The following TMOD2 variants were observed in gnomAD, a reference collection of about 807,000 sequenced individuals.
TMOD2 encodes tropomodulin-2.
A neutral mutation model predicts 39.9 loss-of-function variants in TMOD2; 22 were observed. The observed-to-expected ratio is 0.55, with a 90% CI of 0.39 to 0.79. The LOEUF (loss-of-function observed/expected upper bound fraction) is 0.79, where lower values mean the gene tolerates loss of function less well. TMOD2 is among the 30% of genes least tolerant of loss of function. TMOD2 has a pLI of 0.00. For synonymous variants in TMOD2, 123 were observed against 146.1 expected (o/e 0.84, Z 1.14); for missense variants, 386 against 413.3 (o/e 0.93, Z 0.57).
chr15:51,794,819 TTCC>T (rs1467273318), intron 7 of TMOD2, among the ~76,000 whole-genome samples: 1 of 152,222 alleles, frequency 6.6e-6, no homozygotes, highest in African/African-American at 2.4e-5. Flanking sequence ...TAATTTTCCA[TTCC>T]TCCTTTCTCT....
chr15:51,807,422 T>C (rs2056128154), intron 9 of TMOD2, among the ~76,000 whole-genome samples: 1 of 152,076 alleles, frequency 6.6e-6, no homozygotes, highest in African/African-American at 2.4e-5. Flanking sequence ...CCCTGAGGCG[T>C]AGGAAAGGTG....
At chr15:51,792,243 C>A (rs2056017591) in intron 7 of TMOD2, among the ~76,000 whole-genome samples, 1 of 152,120 alleles carries the variant, frequency 6.6e-6, no homozygotes, top group Admixed American at 6.5e-5. Flanking sequence ...ATTTATGCAG[C>A]CAACAGACAT....
chr15:51,801,288 GTC>G (rs72529496), intron 8 of TMOD2, among the ~76,000 whole-genome samples: 44,338 of 111,454 alleles, frequency 0.4, 6,637 homozygotes, highest in Middle Eastern at 0.48. Flanking sequence ...CACACACCCT[GTC>G]TCTCTCTCTC....
chr15:51,808,950 T>C lies in TMOD2; in HGVS notation c.*496T>C, dbSNP rs2056138552. On this transcript the variant is annotated 3_prime_UTR_variant, in exon 10 of 10. Coordinates refer to ENST00000249700, the MANE Select transcript of TMOD2 (RefSeq NM_014548.4). ...TCACTGCATGTGAAAATGTGACCAA[T>C]TTAGCACAAATTCTCTCTTAGTTCC... is the stretch of plus-strand genomic sequence containing the variant. 1 of 152,856 alleles carries C rather than the reference T, an allele frequency of 6.5e-6. No homozygotes were observed. Among genetic ancestry groups the C allele is most frequent in the Non-Finnish European group, 1.5e-5 (1 of 68,208 alleles). The allele number at this position is 152,856 out of a possible 1,614,324, so 9.5% of individuals were successfully genotyped here. A position where few individuals can be genotyped will look rare whatever the true frequency, so the allele number is the denominator to read the frequency against.
At position 51,815,086 on chromosome 15, in the gene TMOD2, A is replaced by G. The variant is rs2141652177; in HGVS notation, c.*6632A>G. 6.6e-6 allele frequency: 1 copy of G among 152,322 alleles called. No homozygotes were observed. Among genetic ancestry groups the G allele is most frequent in the South Asian group, 2.1e-4 (1 of 4,822 alleles). The allele number at this position is 152,322 out of a possible 1,614,324, so 9.4% of individuals were successfully genotyped here. ...AGACCAGCCTGGCCAACATGGTGAA[A>G]CCCCGTCTCTACTAAAAATACAGAA... On this transcript the variant is annotated 3_prime_UTR_variant, in exon 10 of 10. Coordinates refer to ENST00000249700, the MANE Select transcript of TMOD2 (RefSeq NM_014548.4).
At chr15:51,797,569 A>T (rs756626514) in intron 7 of TMOD2, among the ~76,000 whole-genome samples, 2 of 152,188 alleles carry the variant, frequency 1.3e-5, no homozygotes, top group African/African-American at 2.4e-5. Flanking sequence ...TCTCTTAAAA[A>T]TTATATTATT....
In TMOD2 at chr15:51,808,552, C is replaced by A; in HGVS notation, c.*98C>A. The A allele has an allele frequency of 1.1e-6, 1 of 924,940 alleles. No individual in the cohort carries two copies. Among genetic ancestry groups the A allele is most frequent in the Non-Finnish European group, 1.7e-6 (1 of 598,882 alleles). The allele number at this position is 924,940 out of a possible 1,614,324, so 57.3% of individuals were successfully genotyped here. On this transcript the variant is annotated 3_prime_UTR_variant, in exon 10 of 10. Transcript: ENST00000249700. ...CAGGACCATTTTATCAAAGTTCGTT[C>A]ATTTCCGTTAACCACATAACTAATA...
chr15:51,784,054 A>G (rs1766857553), intron 7 of TMOD2: 1 of 152,214 alleles, frequency 6.6e-6, no homozygotes, highest in Non-Finnish European at 1.5e-5. Context: ...ATATACTATT[A>G]TTAGTTCCAA....
At chr15:51,807,328 G>T (rs1200856874) in intron 9 of TMOD2, among the ~76,000 whole-genome samples, 1 of 152,190 alleles carries the variant, frequency 6.6e-6, no homozygotes, top group Non-Finnish European at 1.5e-5. Flanking sequence ...CAGATAGTGG[G>T]CAAGATAGAA....
At chr15:51,798,129 G>T in intron 7 of TMOD2, 68 bp from the exon 8 acceptor site, 1 of 1,386,058 alleles carries the variant, frequency 7.2e-7, no homozygotes, top group Non-Finnish European at 9.8e-7. Flanking sequence ...TGGGAGTGAG[G>T]GGTTTAGTAA....
intron 7 of TMOD2, 57 bp downstream of exon 7, chr15:51,782,885 T>C (rs2055941073): frequency 6.6e-7 from 1 of 1,510,874 alleles, no homozygotes; most frequent in Non-Finnish European, 9.1e-7. Context: ...GGAAACTCTA[T>C]TTACTTTGTT....
intron 8 of TMOD2, 54 bp downstream of exon 8, chr15:51,798,394 G>A: frequency 1.3e-6 from 2 of 1,582,608 alleles, no homozygotes; most frequent in Non-Finnish European, 1.7e-6. Flanking sequence ...GCAGTGAGCG[G>A]GGGAAATGCC....
At chr15:51,757,322 A>G (rs1412072308) in intron 1 of TMOD2, among the ~76,000 whole-genome samples, 2 of 149,216 alleles carry the variant, frequency 1.3e-5, no homozygotes, top group Non-Finnish European at 3.0e-5. Context: ...GAATGGCGTG[A>G]ACCCGGGAGG....
At chr15:51,795,466 G>C (rs543409997) in intron 7 of TMOD2, among the ~76,000 whole-genome samples, 91 of 150,660 alleles carry the variant, frequency 6.0e-4, no homozygotes, top group African/African-American at 2.2e-3. Flanking sequence ...TCATTCTGCT[G>C]AGTGTCTAGT....
intron 7 of TMOD2, among the ~76,000 whole-genome samples, chr15:51,797,012 G>T (rs552813246): frequency 4.5e-4 from 69 of 152,330 alleles, no homozygotes; most frequent in Non-Finnish European, 4.0e-4. Context: ...CCTCCTGGGC[G>T]ACATAGACCA....
At chr15:51,800,194 G>A (rs2056078526) in intron 8 of TMOD2, among the ~76,000 whole-genome samples, 2 of 152,194 alleles carry the variant, frequency 1.3e-5, no homozygotes, top group South Asian at 4.1e-4. Context: ...GTTAGAATTA[G>A]CCTAGAATGA....
chr15:51,764,558 C>T (rs781374063), intron 1 of TMOD2, among the ~76,000 whole-genome samples: 31 of 152,130 alleles, frequency 2.0e-4, no homozygotes, highest in Non-Finnish European at 3.7e-4. Flanking sequence ...GATCACTCCC[C>T]TACTTTAAGA....
At position 51,768,343 on chromosome 15, in the gene TMOD2, C is replaced by T. The variant is rs746483972; in HGVS notation, c.208C>T (p.Leu70Phe). 2.5e-6 allele frequency: 4 copies of T among 1,614,214 alleles called. No individual in the cohort carries two copies. The highest frequency in any genetic ancestry group is 3.4e-6 in the Non-Finnish European group (4 of 1,180,034). ...ATGPFDREHLLMYLEKEALEQ... is the reference protein window; with the variant it reads ...ATGPFDREHLFMYLEKEALEQ... Reference sequence around the variant, plus strand: ...CGGCCCCTTTGACCGCGAGCACCTCCTCATGTACCTGGAGAAGGAGGCTTT... The same window carrying T: ...CGGCCCCTTTGACCGCGAGCACCTCTTCATGTACCTGGAGAAGGAGGCTTT... The change falls in exon 3 of 10, where the codon CTC (leucine) becomes TTC (phenylalanine). Residue 70 changes from leucine to phenylalanine, a missense_variant. By Grantham distance (22) the Leu-to-Phe change is conservative (BLOSUM62 0). Transcript: ENST00000249700.
chr15:51,811,972 T>C lies in TMOD2; in HGVS notation c.*3518T>C, dbSNP rs774076165. 1 of 152,230 alleles carries C rather than the reference T, an allele frequency of 6.6e-6. No homozygotes were observed. The highest frequency in any genetic ancestry group is 2.4e-5 in the African/African-American group (1 of 41,460). The allele number at this position is 152,230 out of a possible 1,614,324, so 9.4% of individuals were successfully genotyped here. A position where few individuals can be genotyped will look rare whatever the true frequency, so the allele number is the denominator to read the frequency against. On this transcript the variant is annotated 3_prime_UTR_variant, in exon 10 of 10. Coordinates refer to ENST00000249700, the MANE Select transcript of TMOD2 (RefSeq NM_014548.4). ...ATTTAACATTCCATCCTCATCAACA[T>C]GATGAAGCCCCTTTCTTCCATCTTT...
Sources: gnomAD v4.1 joint callset for allele counts (sites outside exome capture counted in the v4.1 genomes callset) on GRCh38, gnomAD v4.1.1 for gene constraint, MANE v1.5 for transcripts, NCBI Gene and HGNC (gene_info 2026-07-23, HGNC 2026-07-21) for gene names.